Variants in NRXN2 observed in about 807,000 individuals in gnomAD.
The protein encoded by NRXN2 is neurexin-2-beta.
In NRXN2, 29 loss-of-function variants were observed where a neutral mutation model predicts 128.8. The observed-to-expected ratio is 0.23, with a 90% CI of 0.17 to 0.31. The LOEUF (loss-of-function observed/expected upper bound fraction) is 0.31, where lower values mean the gene tolerates loss of function less well. Ranked by LOEUF, NRXN2 falls within the 10% of genes least tolerant of loss-of-function variation. NRXN2 has a pLI of 1.00. For synonymous variants in NRXN2, 1,098 were observed against 1,075.2 expected (o/e 1.02, Z -0.41); for missense variants, 1,881 against 2,452.6 (o/e 0.77, Z 4.92).
intron 17 of NRXN2, among the ~76,000 whole-genome samples, chr11:64,644,131 G>T (rs1490587701): frequency 6.6e-6 from 1 of 151,994 alleles, no homozygotes; most frequent in African/African-American, 2.4e-5. Flanking sequence ...ATGCTCACAG[G>T]GCATACATCC....
At chr11:64,680,015 T>C (rs2051974533) in intron 6 of NRXN2, among the ~76,000 whole-genome samples, 1 of 152,156 alleles carries the variant, frequency 6.6e-6, no homozygotes, top group Non-Finnish European at 1.5e-5. Flanking sequence ...AGAGAGCTCC[T>C]GGAGCCTGGG....
chr11:64,699,090 A>AT (rs2054934451), intron 2 of NRXN2, among the ~76,000 whole-genome samples: 1 of 152,230 alleles, frequency 6.6e-6, no homozygotes, highest in Non-Finnish European at 1.5e-5. Context: ...TCATTCGCTC[A>AT]TAGAGAGGTA....
intron 1 of NRXN2, among the ~76,000 whole-genome samples, chr11:64,722,584 CCCTCCAGAACA>C (rs1390179693): frequency 6.6e-6 from 1 of 151,956 alleles, no homozygotes; most frequent in East Asian, 1.9e-4. Flanking sequence ...GCTGGTTAGA[CCCTCCAGAACA>C]CAACAGCTCC....
At chr11:64,614,774 T>G (rs2041215716) in intron 22 of NRXN2, among the ~76,000 whole-genome samples, 1 of 152,256 alleles carries the variant, frequency 6.6e-6, no homozygotes, top group Non-Finnish European at 1.5e-5. Flanking sequence ...AGCAGTGAGA[T>G]AAATGATCCA....
intron 3 of NRXN2, among the ~76,000 whole-genome samples, chr11:64,696,290 C>T (rs561186050): frequency 2.6e-5 from 4 of 152,010 alleles, no homozygotes; most frequent in Admixed American, 2.0e-4. Flanking sequence ...CACTGACACA[C>T]GGAGATGCAA....
At chr11:64,643,010 C>T (rs1424877410) in intron 17 of NRXN2, 1 of 1,006,982 alleles carries the variant, frequency 9.9e-7, no homozygotes, top group African/African-American at 1.7e-5. Flanking sequence ...AGCGGCAACG[C>T]CAAGGTCCAG....
intron 11 of NRXN2, among the ~76,000 whole-genome samples, chr11:64,656,342 G>A (rs150921961): frequency 2.1e-4 from 31 of 149,886 alleles, no homozygotes; most frequent in African/African-American, 6.9e-4. Flanking sequence ...AAACACAAAC[G>A]GGAGTTAGAT....
intron 17 of NRXN2, among the ~76,000 whole-genome samples, chr11:64,638,794 C>T (rs1304707368): frequency 6.6e-6 from 1 of 152,228 alleles, no homozygotes; most frequent in Non-Finnish European, 1.5e-5. Flanking sequence ...TCTGGCCAAA[C>T]ACAAGATGCC....
At chr11:64,647,775 A>G (rs2046915751) in intron 17 of NRXN2, among the ~76,000 whole-genome samples, 1 of 152,178 alleles carries the variant, frequency 6.6e-6, no homozygotes, top group African/African-American at 2.4e-5. Context: ...TTCCCACTTC[A>G]TGCCCTGAGG....
At chr11:64,677,103 C>A in intron 6 of NRXN2, 66 bp from the exon 7 acceptor site, 4 of 1,095,908 alleles carry the variant, frequency 3.6e-6, no homozygotes, top group South Asian at 1.4e-5. Flanking sequence ...AACACAACAA[C>A]AAAAGAACAG....
chr11:64,660,648 T>G lies in NRXN2; in HGVS notation c.2185+105A>C. 6.3e-7 allele frequency: 1 copy of G among 1,589,210 alleles called. No homozygotes were observed. Among genetic ancestry groups the G allele is most frequent in the Non-Finnish European group, 8.6e-7 (1 of 1,167,084 alleles). ...AAGCCTAGGGCAGGTCTATGAGGGG[T>G]TCCCCTAGGAGGAGGTGGCACAGGG... is the stretch of plus-strand genomic sequence containing the variant. On this transcript the variant is annotated intron_variant, in intron 10 of 22. Transcript: ENST00000265459. The surrounding 1 kb of genome is among the most constrained non-coding windows in gnomAD (Gnocchi z 5.2).
intron 9 of NRXN2, among the ~76,000 whole-genome samples, chr11:64,663,186 A>G (rs1025781403): frequency 6.6e-6 from 1 of 152,080 alleles, no homozygotes; most frequent in Non-Finnish European, 1.5e-5. Flanking sequence ...CCTGGCCAAC[A>G]TGGTGAAACC....
intron 2 of NRXN2, chr11:64,712,675 A>AC (rs774873590): frequency 1.2e-5 from 7 of 582,490 alleles, no homozygotes; most frequent in South Asian, 9.3e-5. Context: ...GGCTTCATGC[A>AC]CCCCACCCTC....
intron 19 of NRXN2, among the ~76,000 whole-genome samples, chr11:64,627,658 G>A (rs1406116905): frequency 6.6e-6 from 1 of 152,162 alleles, no homozygotes; most frequent in Non-Finnish European, 1.5e-5. Context: ...GTGAATGTGT[G>A]TGTGTGCACA....
At chr11:64,616,334 A>G (rs1487895226) in intron 22 of NRXN2, among the ~76,000 whole-genome samples, 1 of 152,094 alleles carries the variant, frequency 6.6e-6, no homozygotes, top group African/African-American at 2.4e-5. Context: ...ATAGATGTGC[A>G]TTTCTGTAAG....
In NRXN2 at chr11:64,713,768, G is replaced by A; in HGVS notation, c.-69C>T. On this transcript the variant is annotated 5_prime_UTR_variant, in exon 2 of 23. Transcript: ENST00000265459. ...AGGCTTCAGAGCCGCGGGCGCATGG[G>A]GCGGGAGGGGGCCGGGCGCTCCCCG... 1.1e-6 allele frequency: 1 copy of A among 876,082 alleles called. No individual in the cohort carries two copies. Among genetic ancestry groups the A allele is most frequent in the Non-Finnish European group, 1.4e-6 (1 of 723,768 alleles). 54.3% of individuals were successfully genotyped at this position (876,082 alleles called of 1,614,324 possible).
At chr11:64,665,504 C>A (rs942895333) in intron 9 of NRXN2, among the ~76,000 whole-genome samples, 4 of 152,198 alleles carry the variant, frequency 2.6e-5, no homozygotes, top group Admixed American at 2.0e-4. Context: ...CTGGTAGAAA[C>A]CCTGTGGGGC....
intron 3 of NRXN2, among the ~76,000 whole-genome samples, chr11:64,695,008 C>T (rs1028288944): frequency 2.4e-4 from 37 of 152,184 alleles, no homozygotes; most frequent in African/African-American, 8.4e-4. Flanking sequence ...CCTCTGTCAC[C>T]ACGGCAACCA....
At position 64,715,778 on chromosome 11, in the gene NRXN2, G is replaced by A. The variant is rs541862595; in HGVS notation, c.-244-1835C>T. Among the ~76,000 whole-genome samples the A allele has an allele frequency of 5.1e-4, 77 of 152,294 alleles. No homozygotes were observed. The South Asian group carries it at 6.2e-3, about 12-fold the overall frequency. Reference sequence around the variant, plus strand: ...GGCAGTGGGGAGGAGATCCAGGCAAGCAACCCCCACTCCTTACAAACACTG... The same window carrying A: ...GGCAGTGGGGAGGAGATCCAGGCAAACAACCCCCACTCCTTACAAACACTG... On this transcript the variant is annotated intron_variant, in intron 1 of 22. Coordinates refer to ENST00000265459, the MANE Select transcript of NRXN2 (RefSeq NM_015080.4).
Sources: allele counts gnomAD v4.1 joint callset (sites outside exome capture counted in the v4.1 genomes callset), GRCh38; gene constraint gnomAD v4.1.1; non-coding constraint Gnocchi (gnomAD v3.1); transcripts MANE v1.5; gene names NCBI Gene and HGNC (gene_info 2026-07-23, HGNC 2026-07-21).